Variants in MYO18B observed in about 807,000 individuals in gnomAD.
MYO18B encodes the protein unconventional myosin-XVIIIb.
MYO18B carries 204 observed loss-of-function variants against 273.0 expected under a neutral mutation model. That is an observed-to-expected ratio of 0.75 (90% confidence interval 0.67 to 0.84). MYO18B has a LOEUF of 0.84. Among genes scored for constraint, MYO18B ranks in the 40% least tolerant of loss-of-function variants. The pLI, the probability that MYO18B is intolerant of heterozygous loss-of-function variation, is 0.00. For missense variants in MYO18B, 3,212 were observed against 3,287.6 expected, an observed-to-expected ratio of 0.98 and a Z score of 0.56; for synonymous variants, 1,330 against 1,305.7, an observed-to-expected ratio of 1.02 and a Z score of -0.40.
intron 33 of MYO18B, among the ~76,000 whole-genome samples, chr22:25,912,135 T>C (rs562836923): frequency 2.6e-5 from 4 of 152,352 alleles, no homozygotes; most frequent in African/African-American, 9.6e-5. Flanking sequence ...TAAATGCTTA[T>C]TATGTATTAA....
intron 25 of MYO18B, among the ~76,000 whole-genome samples, chr22:25,885,129 T>G (rs1258495066): frequency 6.6e-6 from 1 of 152,046 alleles, no homozygotes; most frequent in African/African-American, 2.4e-5. Flanking sequence ...ATTTAATGAG[T>G]GATGTTCTGT....
chr22:26,007,557 C>T (rs1028926083), intron 42 of MYO18B, among the ~76,000 whole-genome samples: 4 of 152,188 alleles, frequency 2.6e-5, no homozygotes, highest in African/African-American at 9.7e-5. Context: ...CAATGTTCAG[C>T]CAAGACAAAG....
At chr22:26,058,063 T>C in the MYO18B span, among the ~76,000 whole-genome samples, 79 of 152,288 alleles carry the variant, frequency 5.2e-4, no homozygotes, top group South Asian at 0.011. Context: ...ATTGACACCA[T>C]ATGCAACACT....
chr22:26,062,207 G>A, the MYO18B span, among the ~76,000 whole-genome samples: 1 of 152,130 alleles, frequency 6.6e-6, no homozygotes, highest in African/African-American at 2.4e-5. Flanking sequence ...CATCTGGTAT[G>A]GGTGGGACTG....
intron 12 of MYO18B, among the ~76,000 whole-genome samples, chr22:25,798,728 A>T (rs1287103553): frequency 6.6e-6 from 1 of 151,500 alleles, no homozygotes; most frequent in Non-Finnish European, 1.5e-5. Context: ...CCTGGTTAAT[A>T]TATATTTTTT....
intron 1 of MYO18B, among the ~76,000 whole-genome samples, chr22:25,743,504 A>AAGG (rs1376013329): frequency 1.3e-5 from 2 of 151,616 alleles, no homozygotes; most frequent in African/African-American, 4.9e-5. Context: ...AGAAGAAGAG[A>AAGG]AGGAGGAGGA....
At position 25,908,436 on chromosome 22, in the gene MYO18B, C is replaced by T. The variant is rs749027793; in HGVS notation, c.5259+4C>T. 69 of 1,575,538 alleles carry T rather than the reference C, an allele frequency of 4.4e-5. 1 individual carries two copies. The South Asian group carries it at 5.5e-4, about 13-fold the overall frequency. On this transcript the variant is annotated splice_donor_region_variant and intron_variant, in intron 32 of 43. Coordinates refer to ENST00000335473, the MANE Select transcript of MYO18B (RefSeq NM_032608.7). ...CCGTCAGTCCTGCCAGAAGCGGGTACGTGAGCAGTGAACACAGCTGTGCCC... is the reference window on the plus strand; with the variant it reads ...CCGTCAGTCCTGCCAGAAGCGGGTATGTGAGCAGTGAACACAGCTGTGCCC...
chr22:25,921,979 G>A (rs1569193754), intron 34 of MYO18B, among the ~76,000 whole-genome samples: 1 of 152,112 alleles, frequency 6.6e-6, no homozygotes, highest in Non-Finnish European at 1.5e-5. Flanking sequence ...CTATTAGTAT[G>A]CTAATGATAT....
chr22:26,014,695 G>A lies in MYO18B; in HGVS notation c.6470+9840G>A, dbSNP rs6004893. On this transcript the variant is annotated intron_variant, in intron 42 of 43. Transcript: ENST00000335473. ...TTCCACCAACAGTGTATAAGCATTC[G>A]TTTTTCTCTGCAACCTCACCAGCAC... Among the ~76,000 whole-genome samples the A allele has an allele frequency of 1.3e-3, 201 of 151,996 alleles. 1 individual carries two copies. The Middle Eastern group carries it at 0.014, about 10-fold the overall frequency.
At chr22:25,874,223 A>C (rs1298960495) in intron 22 of MYO18B, 63 bp from the exon 23 acceptor site, 3 of 1,591,336 alleles carry the variant, frequency 1.9e-6, no homozygotes, top group African/African-American at 1.4e-5. Flanking sequence ...ATTTGCAAGC[A>C]CCCCCCCATT....
intron 34 of MYO18B, among the ~76,000 whole-genome samples, chr22:25,937,583 T>G (rs1426110876): frequency 3.1e-5 from 2 of 63,502 alleles, no homozygotes; most frequent in African/African-American, 1.7e-4. Flanking sequence ...TGGCCTGACA[T>G]TCTTTTTTTT....
Position 25,777,779 on chromosome 22 carries a change from C to G in MYO18B, c.2066C>G (p.Ser689Ter). The G allele has an allele frequency of 1.3e-6, 2 of 1,593,878 alleles. No individual in the cohort carries two copies. Among genetic ancestry groups the G allele is most frequent in the African/African-American group, 1.3e-5 (1 of 74,674 alleles). Reference protein sequence around the residue: ...GMAGSVDGRVSVEKIRATFTV... With the variant: ...GMAGSVDGRV Reference sequence around the variant, plus strand: ...GCAGGCAGTGTGGATGGCAGGGTCTCAGGTATGGTGGTCTCTAGGTGACAT... The same window carrying G: ...GCAGGCAGTGTGGATGGCAGGGTCTGAGGTATGGTGGTCTCTAGGTGACAT... Residue 689 changes from serine to a stop codon, truncating the protein, a stop_gained and splice_region_variant, in exon 8 of 44, where the codon TCA becomes TGA. Coordinates refer to ENST00000335473, the MANE Select transcript of MYO18B (RefSeq NM_032608.7). LOFTEE classifies it high-confidence loss of function.
At chr22:25,742,324 C>T (rs1428769689) in intron 1 of MYO18B, 31 bp downstream of exon 1, 1 of 152,284 alleles carries the variant, frequency 6.6e-6, no homozygotes, top group Non-Finnish European at 1.5e-5. Flanking sequence ...AGACGGGCAC[C>T]TTGCGAGCGG....
chr22:25,926,832 A>G (rs1239233099), intron 34 of MYO18B, among the ~76,000 whole-genome samples: 1 of 152,236 alleles, frequency 6.6e-6, no homozygotes, highest in Non-Finnish European at 1.5e-5. Context: ...GGGACCCCAA[A>G]TGGAGGGACC....
At chr22:25,839,624 A>G (rs1156552543) in intron 17 of MYO18B, among the ~76,000 whole-genome samples, 7 of 152,152 alleles carry the variant, frequency 4.6e-5, no homozygotes, top group Non-Finnish European at 8.8e-5. Context: ...GCACAGGGCT[A>G]GCGCTGAACC....
intron 7 of MYO18B, among the ~76,000 whole-genome samples, chr22:25,776,447 A>T (rs2086916650): frequency 6.6e-6 from 1 of 152,124 alleles, no homozygotes; most frequent in African/African-American, 2.4e-5. Flanking sequence ...AAAATACAAA[A>T]ATTAGCCAGG....
At chr22:25,941,050 A>G (rs1569214755) in intron 34 of MYO18B, among the ~76,000 whole-genome samples, 1 of 152,226 alleles carries the variant, frequency 6.6e-6, no homozygotes, top group Non-Finnish European at 1.5e-5. Flanking sequence ...CTAGCTATTG[A>G]AAGTGTTTTG....
At chr22:26,037,636 T>A in the MYO18B span, among the ~76,000 whole-genome samples, 1 of 152,170 alleles carries the variant, frequency 6.6e-6, no homozygotes, top group African/African-American at 2.4e-5. Flanking sequence ...TCATCCCTAT[T>A]GTTCACTTCA....
rs148307767 is a variant in MYO18B, at chr22:25,766,928, G to A, written c.199-1187G>A. 2.0e-4 allele frequency among the ~76,000 whole-genome samples: 31 copies of A among 152,298 alleles called. No homozygotes were observed. In the Middle Eastern group the frequency reaches 0.01, roughly 50 times the overall value. Reference sequence around the variant, plus strand: ...GGCAATGGCCCAAGTGAGGGATAGCGGACATGAGTTTGGAAAAAGAGACAT... The same window carrying A: ...GGCAATGGCCCAAGTGAGGGATAGCAGACATGAGTTTGGAAAAAGAGACAT... On this transcript the variant is annotated intron_variant, in intron 3 of 43. Coordinates refer to ENST00000335473, the MANE Select transcript of MYO18B (RefSeq NM_032608.7).
Sources: allele counts gnomAD v4.1 joint callset (sites outside exome capture counted in the v4.1 genomes callset), GRCh38; gene constraint gnomAD v4.1.1; transcripts MANE v1.5; gene names NCBI Gene and HGNC (gene_info 2026-07-23, HGNC 2026-07-21).